Variants in ADGRV1 observed in about 807,000 individuals in gnomAD.
ADGRV1 encodes the protein adhesion G protein-coupled receptor V1, also known as G-protein coupled receptor 98.
In ADGRV1, 359 loss-of-function variants were observed where a neutral mutation model predicts 596.2. That is an observed-to-expected ratio of 0.60 (90% CI 0.55 to 0.66). ADGRV1 has a LOEUF of 0.66. Ranked by LOEUF, ADGRV1 falls within the 30% of genes least tolerant of loss-of-function variation. ADGRV1 has a pLI of 0.00. For synonymous variants in ADGRV1, 2,681 were observed against 2,679.2 expected (o/e 1.00, Z -0.02); for missense variants, 7,274 against 7,575.6 (o/e 0.96, Z 1.48).
Position 90,617,942 on chromosome 5 carries a change from TTAACA to T in ADGRV1, c.348_352del (p.Leu116PhefsTer24). On this transcript the variant is annotated frameshift_variant, in exon 3 of 90. Transcript: ENST00000405460. LOFTEE classifies it high-confidence loss of function. ...GCCTGACGAAACTTTTATTTTTCAC[TTAACA>T]TTACAGGTAAGTCCGTGTTTCCTCC... The T allele has an allele frequency of 6.4e-7, 1 of 1,572,498 alleles. No homozygotes were observed. The highest frequency in any genetic ancestry group is 8.6e-7 in the Non-Finnish European group (1 of 1,156,940).
At chr5:91,008,314 T>A (rs576845042) in intron 85 of ADGRV1, among the ~76,000 whole-genome samples, 1 of 152,206 alleles carries the variant, frequency 6.6e-6, no homozygotes, top group Non-Finnish European at 1.5e-5. Flanking sequence ...AAACTACCAA[T>A]GGAGAATCAC....
At chr5:90,975,688 C>T (rs1779503987) in intron 84 of ADGRV1, among the ~76,000 whole-genome samples, 1 of 152,080 alleles carries the variant, frequency 6.6e-6, no homozygotes, top group Admixed American at 6.6e-5. Context: ...GAACATCACA[C>T]ACCGGGGCCT....
intron 29 of ADGRV1, among the ~76,000 whole-genome samples, chr5:90,687,169 C>T (rs1035884286): frequency 1.3e-5 from 2 of 152,104 alleles, no homozygotes; most frequent in Non-Finnish European, 2.9e-5. Flanking sequence ...GTTGCCTGTT[C>T]ACTGTGATGG....
chr5:90,578,680 A>T (rs1757556727), intron 1 of ADGRV1, among the ~76,000 whole-genome samples: 1 of 152,222 alleles, frequency 6.6e-6, no homozygotes, highest in African/African-American at 2.4e-5. Flanking sequence ...TAGTTCCAGA[A>T]GGAATGGTAC....
chr5:90,896,272 T>TTG (rs1472981041), intron 83 of ADGRV1, among the ~76,000 whole-genome samples: 3 of 135,928 alleles, frequency 2.2e-5, no homozygotes, highest in African/African-American at 8.2e-5. Context: ...CAGTGGTTTT[T>TTG]TTTTTTTTTT....
chr5:91,022,321 G>A (rs1289142956), intron 85 of ADGRV1, among the ~76,000 whole-genome samples: 3 of 151,904 alleles, frequency 2.0e-5, no homozygotes, highest in South Asian at 2.1e-4. Flanking sequence ...TGCTAAATCC[G>A]GACTTAGGCT....
chr5:90,807,737 G>T lies in ADGRV1; in HGVS notation c.14972G>T (p.Arg4991Leu), dbSNP rs201316232. Residue 4991 changes from arginine (R) to leucine (L), a missense_variant and splice_region_variant, in exon 73 of 90, where the codon CGA becomes CTA. Arg to Leu is a moderately radical substitution (Grantham distance 102). Around this residue, in one of 5 missense-constraint regions of ADGRV1, gnomAD observed 1,874 missense variants for 1,970.2 expected, o/e 0.95. Transcript: ENST00000405460. ...AGTGCTCCTGGCGGAGCTCAACTCC[G>T]GTAAGACCAACCTCATTCTCACCCA... ...QSSAPGGAQL[R>L]SGFIVAEIEP... 1.9e-6 allele frequency: 3 copies of T among 1,540,916 alleles called. No homozygotes were observed. In the East Asian group the frequency reaches 6.9e-5, roughly 35 times the overall value.
At chr5:90,820,496 G>T (rs1763376678) in intron 75 of ADGRV1, among the ~76,000 whole-genome samples, 2 of 151,998 alleles carry the variant, frequency 1.3e-5, no homozygotes, top group Non-Finnish European at 2.9e-5. Flanking sequence ...AGTTGATGCA[G>T]TTTCTTCTTA....
chr5:90,864,076 CA>C (rs199712125), intron 83 of ADGRV1, among the ~76,000 whole-genome samples: 31 of 141,172 alleles, frequency 2.2e-4, no homozygotes, highest in African/African-American at 3.6e-4. Context: ...TCATCGCTTA[CA>C]AAAAAAAAAA....
intron 56 of ADGRV1, 52 bp from the exon 57 acceptor site, chr5:90,756,927 T>C: frequency 7.3e-7 from 1 of 1,364,518 alleles, no homozygotes; most frequent in Non-Finnish European, 1.0e-6. Context: ...GAAAGATGAC[T>C]TATGAGAGTT....
At chr5:90,907,425 C>T (rs1772429006) in intron 83 of ADGRV1, among the ~76,000 whole-genome samples, 1 of 152,110 alleles carries the variant, frequency 6.6e-6, no homozygotes, top group African/African-American at 2.4e-5. Context: ...TTCAGTGCCT[C>T]GAAAACAAAG....
Position 90,737,703 on chromosome 5 carries a change from A to C in ADGRV1, c.10550-7343A>C, listed in dbSNP as rs1444240581. 2.6e-5 allele frequency among the ~76,000 whole-genome samples: 4 copies of C among 152,030 alleles called. No homozygotes were observed. The Middle Eastern group carries it at 0.01, about 388-fold the overall frequency. On this transcript the variant is annotated intron_variant, in intron 50 of 89. Coordinates refer to ENST00000405460, the MANE Select transcript of ADGRV1 (RefSeq NM_032119.4). ...AATGGTCTTCTTTGTCCCTTTTTAT[A>C]GTTTTTTACTTAAAGTCTATTTTAC...
chr5:91,136,486 A>G (rs1794647999), intron 87 of ADGRV1, among the ~76,000 whole-genome samples: 1 of 152,226 alleles, frequency 6.6e-6, no homozygotes, highest in Non-Finnish European at 1.5e-5. Context: ...GCCTTGTGGC[A>G]GGCCACCTCA....
At chr5:90,640,905 C>A (rs549570756) in intron 11 of ADGRV1, 1 of 152,314 alleles carries the variant, frequency 6.6e-6, no homozygotes, top group South Asian at 2.1e-4. Context: ...TTTGGTGATT[C>A]AGTATTTTGT....
At chr5:90,976,481 G>T (rs1779627433) in intron 84 of ADGRV1, among the ~76,000 whole-genome samples, 2 of 151,244 alleles carry the variant, frequency 1.3e-5, no homozygotes, top group Non-Finnish European at 2.9e-5. Flanking sequence ...TTTGGGTATT[G>T]TGTTACTTTT....
chr5:90,666,745 G>T (rs1396036787), intron 21 of ADGRV1, among the ~76,000 whole-genome samples: 2 of 151,528 alleles, frequency 1.3e-5, no homozygotes, highest in Non-Finnish European at 2.9e-5. Context: ...GCAGCGGCTG[G>T]TACCGGTTGT....
chr5:90,817,289 G>A (rs1430994422), intron 75 of ADGRV1, among the ~76,000 whole-genome samples: 6 of 151,324 alleles, frequency 4.0e-5, no homozygotes, highest in Non-Finnish European at 8.8e-5. Context: ...ATTTGTTTGA[G>A]TTCATTGTAG....
At chr5:90,865,527 G>C (rs918307319) in intron 83 of ADGRV1, among the ~76,000 whole-genome samples, 1 of 152,014 alleles carries the variant, frequency 6.6e-6, no homozygotes, top group South Asian at 2.1e-4. Context: ...TGGACAAAAC[G>C]GTTAGTCATA....
In ADGRV1 at chr5:90,810,957, A is replaced by G. The variant is rs937520838; in HGVS notation, c.15697A>G (p.Met5233Val). 5 of 1,614,010 alleles carry G rather than the reference A, an allele frequency of 3.1e-6. No individual in the cohort carries two copies. The highest frequency in any genetic ancestry group is 4.2e-6 in the Non-Finnish European group (5 of 1,179,898). ...ATCCATTGTTTATATTGAAGAGGAGATGAAGAATGGCACATTCAACACTGC... is the reference window on the plus strand; with the variant it reads ...ATCCATTGTTTATATTGAAGAGGAGGTGAAGAATGGCACATTCAACACTGC... ...GPSIVYIEEE[M>V]KNGTFNTAEV... Residue 5233 changes from methionine (M) to valine (V), a missense_variant, in exon 74 of 90, where the codon ATG (methionine) becomes GTG (valine). By Grantham distance (21) the Met-to-Val change is conservative. Around this residue, in one of 5 missense-constraint regions of ADGRV1, gnomAD observed 1,874 missense variants for 1,970.2 expected, o/e 0.95. Coordinates refer to ENST00000405460, the MANE Select transcript of ADGRV1 (RefSeq NM_032119.4).
Sources: gnomAD v4.1 joint callset for allele counts (sites outside exome capture counted in the v4.1 genomes callset) on GRCh38, gnomAD v4.1.1 for gene constraint, gnomAD v4.1.1 regional missense constraint, MANE v1.5 for transcripts, NCBI Gene and HGNC (gene_info 2026-07-23, HGNC 2026-07-21) for gene names.